AKIRIN2: variants seen among roughly 807,000 people sequenced by gnomAD.
AKIRIN2 encodes the protein akirin-2.
AKIRIN2 carries 6 observed loss-of-function variants against 29.3 expected under a neutral mutation model. The observed-to-expected ratio is 0.20, with a 90% CI of 0.11 to 0.40. The LOEUF (loss-of-function observed/expected upper bound fraction) is 0.40, where lower values mean the gene tolerates loss of function less well. AKIRIN2 is among the 10% of genes least tolerant of loss of function. AKIRIN2 has a pLI of 1.00. For synonymous variants in AKIRIN2, 128 were observed against 117.5 expected (o/e 1.09, Z -0.58); for missense variants, 210 against 276.1 (o/e 0.76, Z 1.70).
chr6:87,695,092 C>T (rs982249566), intron 1 of AKIRIN2, among the ~76,000 whole-genome samples: 1 of 152,164 alleles, frequency 6.6e-6, no homozygotes, highest in Non-Finnish European at 1.5e-5. Flanking sequence ...CCTGTGAAAC[C>T]CTTTAAAATG....
intron 1 of AKIRIN2, among the ~76,000 whole-genome samples, chr6:87,688,600 A>C (rs1333644838): frequency 6.6e-6 from 1 of 152,154 alleles, no homozygotes; most frequent in African/African-American, 2.4e-5. Context: ...ACAAAAAAAA[A>C]TTAGCCAAGC....
rs1476533755 is a variant in AKIRIN2, at chr6:87,701,517, G to A, written c.168C>T (p.Ala56=). The change falls in exon 1 of 5, where the codon GCC becomes GCT. Residue 56 remains alanine (A), a synonymous_variant. Coordinates refer to ENST00000257787, the MANE Select transcript of AKIRIN2 (RefSeq NM_018064.4). ...ATAASFSAAA[A]SPQKYLRMEP... is the part of the protein sequence containing the mutation. ...CCATTCGGAGATACTTCTGCGGCGA[G>A]GCGGCCGCAGCGGAGAAGGAGGCGG... 2.1e-6 allele frequency: 3 copies of A among 1,451,480 alleles called. No individual in the cohort carries two copies. Among genetic ancestry groups the A allele is most frequent in the Admixed American group, 2.9e-5 (1 of 34,974 alleles). 89.9% of individuals were successfully genotyped at this position (1,451,480 alleles called of 1,614,324 possible).
intron 1 of AKIRIN2, among the ~76,000 whole-genome samples, chr6:87,696,568 G>A (rs1005068285): frequency 6.6e-6 from 1 of 151,652 alleles, no homozygotes; most frequent in East Asian, 1.9e-4. Context: ...AGGCATGGTG[G>A]CGGGCACCTG....
In AKIRIN2 at chr6:87,701,527, G is replaced by T; in HGVS notation, c.158C>A (p.Ala53Asp). 1 of 1,444,638 alleles carries T rather than the reference G, an allele frequency of 6.9e-7. No individual in the cohort carries two copies. The allele number at this position is 1,444,638 out of a possible 1,614,324, so 89.5% of individuals were successfully genotyped here. ...AAAATAASFS[A>D]AAASPQKYLR... Reference sequence around the variant, plus strand: ...ATACTTCTGCGGCGAGGCGGCCGCAGCGGAGAAGGAGGCGGCGGTGGCCGC... The same window carrying T: ...ATACTTCTGCGGCGAGGCGGCCGCATCGGAGAAGGAGGCGGCGGTGGCCGC... The change falls in exon 1 of 5, where the codon GCT becomes GAT. Residue 53 changes from alanine (A) to aspartate (D), a missense_variant. This residue lies in a region of AKIRIN2 where 199 missense variants were observed against 236.5 expected (regional missense o/e 0.84). Transcript: ENST00000257787.
At chr6:87,693,724 C>CAA (rs34150167) in intron 1 of AKIRIN2, among the ~76,000 whole-genome samples, 15,972 of 100,962 alleles carry the variant, frequency 0.16, 1,227 homozygotes, top group East Asian at 0.23. Context: ...GACTCTGTCT[C>CAA]AAAAAAAAAA....
At chr6:87,688,506 G>A (rs1236820457) in intron 1 of AKIRIN2, among the ~76,000 whole-genome samples, 2 of 152,138 alleles carry the variant, frequency 1.3e-5, no homozygotes, top group African/African-American at 4.8e-5. Context: ...AGCACTTTGG[G>A]AGGCCAAGGC....
intron 1 of AKIRIN2, among the ~76,000 whole-genome samples, chr6:87,701,113 T>C (rs1320406307): frequency 6.6e-6 from 1 of 151,720 alleles, no homozygotes; most frequent in East Asian, 1.9e-4. Flanking sequence ...AATAATATCG[T>C]CCTCTCTGAT....
chr6:87,690,162 C>T (rs1453244203), intron 1 of AKIRIN2, among the ~76,000 whole-genome samples: 1 of 150,470 alleles, frequency 6.6e-6, no homozygotes, highest in Non-Finnish European at 1.5e-5. Context: ...GCTGAGATGA[C>T]GCCATTGAAC....
intron 1 of AKIRIN2, among the ~76,000 whole-genome samples, chr6:87,698,155 A>C (rs1771400574): frequency 6.6e-6 from 1 of 152,142 alleles, no homozygotes; most frequent in South Asian, 2.1e-4. Context: ...CATTTCACCA[A>C]CGATATTCAA....
chr6:87,689,147 C>G (rs886903723), intron 1 of AKIRIN2, among the ~76,000 whole-genome samples: 1 of 152,118 alleles, frequency 6.6e-6, no homozygotes, highest in East Asian at 1.9e-4. Context: ...CAGTACACCA[C>G]GATCAAGCTG....
chr6:87,688,702 G>A (rs951487864), intron 1 of AKIRIN2, among the ~76,000 whole-genome samples: 8 of 152,054 alleles, frequency 5.3e-5, no homozygotes, highest in African/African-American at 1.7e-4. Context: ...GCAGCGAGCC[G>A]AGATTAAGCC....
In AKIRIN2 at chr6:87,701,955, C is replaced by T. The variant is rs1771476148; in HGVS notation, c.-271G>A. 2.5e-6 allele frequency: 1 copy of T among 402,960 alleles called. No homozygotes were observed. The highest frequency in any genetic ancestry group is 3.6e-5 in the East Asian group (1 of 28,044). The allele number at this position is 402,960 out of a possible 1,614,324, so 25.0% of individuals were successfully genotyped here. On this transcript the variant is annotated 5_prime_UTR_variant, in exon 1 of 5. Transcript: ENST00000257787. ...CGCCAGTCGCGTCAGGGGGGTTCTT[C>T]CGCCTCCTCAGGCGCGGCTCCCCCG...
intron 1 of AKIRIN2, among the ~76,000 whole-genome samples, chr6:87,696,938 G>A (rs4707386): frequency 0.24 from 36,825 of 151,050 alleles, 5,133 homozygotes; most frequent in Admixed American, 0.37. Flanking sequence ...ACTAGGAGGT[G>A]GAGGTTGCAG....
At chr6:87,680,499 C>G (rs1375314225) in intron 2 of AKIRIN2, among the ~76,000 whole-genome samples, 1 of 149,692 alleles carries the variant, frequency 6.7e-6, no homozygotes, top group East Asian at 2.0e-4. Context: ...TCTCGATATC[C>G]TGACCTCGTG....
intron 3 of AKIRIN2, among the ~76,000 whole-genome samples, chr6:87,677,207 A>G (rs1329685345): frequency 6.6e-6 from 1 of 152,202 alleles, no homozygotes; most frequent in Non-Finnish European, 1.5e-5. Context: ...AAAGCTAACA[A>G]CAAAACACTA....
intron 1 of AKIRIN2, among the ~76,000 whole-genome samples, chr6:87,691,669 AG>A (rs1421314120): frequency 6.6e-6 from 1 of 152,172 alleles, no homozygotes; most frequent in Non-Finnish European, 1.5e-5. Context: ...AAGAACAGCT[AG>A]GGAGTAGAGG....
rs1379060424 is a variant in AKIRIN2, at chr6:87,701,631, G to A, written c.54C>T (p.Ser18=). Residue 18 remains serine (S), a synonymous_variant, in exon 1 of 5, where the codon AGC becomes AGT. Coordinates refer to ENST00000257787, the MANE Select transcript of AKIRIN2 (RefSeq NM_018064.4). ...KRTLDFDPLL[S]PASPKRRRCA... ...ATCGCCTGCGCTTCGGGGACGCCGGGCTCAACAGCGGGTCGAAATCCAGAG... is the reference window on the plus strand; with the variant it reads ...ATCGCCTGCGCTTCGGGGACGCCGGACTCAACAGCGGGTCGAAATCCAGAG... 9.6e-6 allele frequency: 14 copies of A among 1,463,302 alleles called. No individual in the cohort carries two copies. In the South Asian group the frequency reaches 1.4e-4, roughly 15 times the overall value. 90.6% of individuals were successfully genotyped at this position (1,463,302 alleles called of 1,614,324 possible). A position where few individuals can be genotyped will look rare whatever the true frequency, so the allele number is the denominator to read the frequency against.
chr6:87,696,131 T>C (rs754836830), intron 1 of AKIRIN2, among the ~76,000 whole-genome samples: 1 of 152,102 alleles, frequency 6.6e-6, no homozygotes, highest in Non-Finnish European at 1.5e-5. Context: ...TGAGCCGAGA[T>C]TGTGCTGCTG....
intron 3 of AKIRIN2, among the ~76,000 whole-genome samples, chr6:87,677,337 CA>C (rs1219651064): frequency 6.6e-6 from 1 of 152,084 alleles, no homozygotes; most frequent in Non-Finnish European, 1.5e-5. Flanking sequence ...TCTATATAAA[CA>C]GTAAATCTGT....
Sources: allele counts gnomAD v4.1 joint callset (sites outside exome capture counted in the v4.1 genomes callset), GRCh38; gene constraint gnomAD v4.1.1; regional missense constraint gnomAD v4.1.1; transcripts MANE v1.5; gene names NCBI Gene and HGNC (gene_info 2026-07-23, HGNC 2026-07-21).